Variants in PDIA3 observed in about 807,000 individuals in gnomAD.
PDIA3 encodes protein disulfide-isomerase A3.
PDIA3 carries 16 observed loss-of-function variants against 56.9 expected under a neutral mutation model. That is an observed-to-expected ratio of 0.28 (90% CI 0.19 to 0.43). The LOEUF (loss-of-function observed/expected upper bound fraction) is 0.43, where lower values mean the gene tolerates loss of function less well. PDIA3 is among the 20% of genes least tolerant of loss of function. The pLI is 1.00. For missense variants in PDIA3, 485 were observed against 621.3 expected (o/e 0.78, Z 2.33); for synonymous variants, 192 against 216.5 (o/e 0.89, Z 0.99).
At chr15:43,749,695 A>C (rs2086731148) in intron 1 of PDIA3, among the ~76,000 whole-genome samples, 1 of 152,086 alleles carries the variant, frequency 6.6e-6, no homozygotes, top group Non-Finnish European at 1.5e-5. Flanking sequence ...TGGGAGGCTG[A>C]GTTGGGAAAA....
intron 4 of PDIA3, among the ~76,000 whole-genome samples, 172 bp downstream of exon 4, chr15:43,761,703 A>G (rs555527055): frequency 6.6e-6 from 1 of 152,236 alleles, no homozygotes; most frequent in South Asian, 2.1e-4. Context: ...AGTACATTAT[A>G]TAATTACTAT....
At chr15:43,756,820 T>C (rs1348103506) in intron 3 of PDIA3, 54 bp downstream of exon 3, 1 of 946,598 alleles carries the variant, frequency 1.1e-6, no homozygotes, top group Non-Finnish European at 1.7e-6. Context: ...TTATTCTTTG[T>C]AGTGGAAACA....
chr15:43,771,552 T>C lies in PDIA3; in HGVS notation c.*334T>C. 2.2e-6 allele frequency: 1 copy of C among 458,072 alleles called. No homozygotes were observed. The allele number at this position is 458,072 out of a possible 1,614,324, so 28.4% of individuals were successfully genotyped here. On this transcript the variant is annotated 3_prime_UTR_variant, in exon 13 of 13. Coordinates refer to ENST00000300289, the MANE Select transcript of PDIA3 (RefSeq NM_005313.5). Reference sequence around the variant, plus strand: ...GAGACCCCTTTAAACTGTCTTATTTTCCACCAGATTGAGAACCAGATGTTC... The same window carrying C: ...GAGACCCCTTTAAACTGTCTTATTTCCCACCAGATTGAGAACCAGATGTTC...
chr15:43,753,459 G>A (rs373964532), intron 1 of PDIA3, among the ~76,000 whole-genome samples: 26 of 152,094 alleles, frequency 1.7e-4, no homozygotes, highest in African/African-American at 6.3e-4. Context: ...TTTCTATTTT[G>A]TCCTTCATTC....
At chr15:43,748,710 T>A (rs1302738172) in intron 1 of PDIA3, among the ~76,000 whole-genome samples, 3 of 151,964 alleles carry the variant, frequency 2.0e-5, no homozygotes, top group Non-Finnish European at 4.4e-5. Context: ...GTTAAAGAAG[T>A]CTCCTGTTGA....
Position 43,766,796 on chromosome 15 carries a change from A to C in PDIA3, c.914A>C (p.Lys305Thr). The C allele has an allele frequency of 6.2e-7, 1 of 1,613,746 alleles. No individual in the cohort carries two copies. Among genetic ancestry groups the C allele is most frequent in the Non-Finnish European group, 8.5e-7 (1 of 1,179,624 alleles). The change falls in exon 8 of 13, where the codon AAA becomes ACA. Residue 305 changes from lysine to threonine, a missense_variant. Coordinates refer to ENST00000300289, the MANE Select transcript of PDIA3 (RefSeq NM_005313.5). The part of the protein sequence containing the change: ...HKLNFAVASR[K>T]TFSHELSDFG... ...CTCAACTTTGCTGTAGCTAGCCGCA[A>C]AACCTTTAGCCATGAACTTTCTGAT...
chr15:43,747,656 A>G (rs1220211535), intron 1 of PDIA3, among the ~76,000 whole-genome samples: 2 of 152,008 alleles, frequency 1.3e-5, no homozygotes, highest in Non-Finnish European at 2.9e-5. Context: ...CTCTCTATAT[A>G]TAATTCAATA....
At chr15:43,769,024 C>CA (rs539611070) in intron 9 of PDIA3, among the ~76,000 whole-genome samples, 1,496 of 130,822 alleles carry the variant, frequency 0.011, 33 homozygotes, top group East Asian at 0.11. Flanking sequence ...AACTCCATCT[C>CA]AAAAAAAAAA....
rs1250706146 is a variant in PDIA3 at position 43,756,629 on chromosome 15, TTGTG to T, written c.247-18_247-15del. The T allele has an allele frequency of 1.5e-6, 2 of 1,314,954 alleles. No individual in the cohort carries two copies. 81.5% of individuals were successfully genotyped at this position (1,314,954 alleles called of 1,614,324 possible). Reference sequence around the variant, plus strand: ...GCAGAAACTTGGATAAGAAAATAGTTTGTGTATTTTGATCTTTAGGTTGATTGCA... The same window carrying T: ...GCAGAAACTTGGATAAGAAAATAGTTTATTTTGATCTTTAGGTTGATTGCA... On this transcript the variant is annotated splice_polypyrimidine_tract_variant and intron_variant, in intron 2 of 12. Coordinates refer to ENST00000300289, the MANE Select transcript of PDIA3 (RefSeq NM_005313.5).
chr15:43,753,010 A>C (rs942390197), intron 1 of PDIA3: 15 of 387,178 alleles, frequency 3.9e-5, no homozygotes, highest in Non-Finnish European at 6.2e-5. Context: ...AGCTGTAAAA[A>C]TCAGGCCTGC....
chr15:43,754,319 A>G (rs1425041667), intron 2 of PDIA3, among the ~76,000 whole-genome samples: 1 of 150,064 alleles, frequency 6.7e-6, no homozygotes, highest in African/African-American at 2.5e-5. Flanking sequence ...GCTTGAACCC[A>G]GGAGATGAAG....
Position 43,769,506 on chromosome 15 carries a change from T to G in PDIA3, c.1138-12T>G. 1 of 1,611,904 alleles carries G rather than the reference T, an allele frequency of 6.2e-7. No individual in the cohort carries two copies. The highest frequency in any genetic ancestry group is 1.1e-5 in the South Asian group (1 of 91,022). On this transcript the variant is annotated splice_polypyrimidine_tract_variant and intron_variant, in intron 9 of 12. Coordinates refer to ENST00000300289, the MANE Select transcript of PDIA3 (RefSeq NM_005313.5). ...TTATGTTACCAACTAGAGATTCTTC[T>G]GTGTTTTCCAGGTAGTGGTAGCAGA...
intron 3 of PDIA3, among the ~76,000 whole-genome samples, chr15:43,757,498 C>T (rs2086786084): frequency 2.0e-5 from 3 of 150,068 alleles, no homozygotes; most frequent in Non-Finnish European, 1.5e-5. Flanking sequence ...GCGGAGCTTG[C>T]AGTGAGCCGA....
chr15:43,757,072 G>A (rs2086782862), intron 3 of PDIA3, among the ~76,000 whole-genome samples: 1 of 152,186 alleles, frequency 6.6e-6, no homozygotes, highest in Non-Finnish European at 1.5e-5. Flanking sequence ...TGATAAAATA[G>A]ACAAGGTCCC....
intron 3 of PDIA3, among the ~76,000 whole-genome samples, chr15:43,759,917 G>T (rs1596021798): frequency 6.6e-6 from 1 of 152,004 alleles, no homozygotes; most frequent in South Asian, 2.1e-4. Flanking sequence ...GTGAAACCCC[G>T]TCTGTACTAA....
intron 11 of PDIA3, 79 bp downstream of exon 11, chr15:43,770,408 A>AG (rs2086873989): frequency 7.2e-7 from 1 of 1,395,138 alleles, no homozygotes; most frequent in Non-Finnish European, 1.0e-6. Flanking sequence ...AATCATTACT[A>AG]GACATAGTTT....
At chr15:43,757,836 T>C (rs2086789372) in intron 3 of PDIA3, among the ~76,000 whole-genome samples, 1 of 151,562 alleles carries the variant, frequency 6.6e-6, no homozygotes, top group Non-Finnish European at 1.5e-5. Flanking sequence ...CACTCCAGCC[T>C]GGGCAACAGA....
At chr15:43,765,367 C>T (rs1444447901) in intron 5 of PDIA3, 83 bp from the exon 6 acceptor site, 6 of 808,662 alleles carry the variant, frequency 7.4e-6, no homozygotes, top group Admixed American at 3.9e-5. Context: ...AGCAACAGAG[C>T]GAAACCCTAT....
intron 4 of PDIA3, among the ~76,000 whole-genome samples, chr15:43,762,404 G>A (rs564879807): frequency 1.4e-3 from 211 of 151,980 alleles, no homozygotes; most frequent in African/African-American, 4.8e-3. Flanking sequence ...TCAGCTACTC[G>A]GGAGGCTGAG....
Sources: gnomAD v4.1 joint callset for allele counts (sites outside exome capture counted in the v4.1 genomes callset) on GRCh38, gnomAD v4.1.1 for gene constraint, MANE v1.5 for transcripts, NCBI Gene and HGNC (gene_info 2026-07-23, HGNC 2026-07-21) for gene names.